The following COG5 variants were observed in gnomAD, a reference collection of about 807,000 sequenced individuals.
COG5 encodes conserved oligomeric Golgi complex subunit 5.
Under a neutral mutation model 110.4 loss-of-function variants are expected in COG5, and 86 were observed. The ratio of observed to expected loss-of-function variants is 0.78; its 90% CI spans 0.65 to 0.93. The LOEUF (loss-of-function observed/expected upper bound fraction) is 0.93. Ranked by LOEUF, COG5 falls within the 40% of genes least tolerant of loss-of-function variation. The pLI, the probability that COG5 is intolerant of heterozygous loss-of-function variation, is 0.00. For synonymous variants in COG5, 360 were observed against 334.6 expected, an observed-to-expected ratio of 1.08 and a Z score of -0.83; for missense variants, 1,077 against 987.0, an observed-to-expected ratio of 1.09 and a Z score of -1.22.
chr7:107,331,576 A>T (rs1341924421), intron 10 of COG5, among the ~76,000 whole-genome samples: 1 of 152,148 alleles, frequency 6.6e-6, no homozygotes, highest in African/African-American at 2.4e-5. Flanking sequence ...TTACTGAAAA[A>T]ATCTAGGCAA....
At chr7:107,466,399 AAC>A (rs1796300735) in intron 6 of COG5, among the ~76,000 whole-genome samples, 2 of 152,354 alleles carry the variant, frequency 1.3e-5, no homozygotes, top group South Asian at 4.1e-4. Context: ...ATGACTTACA[AAC>A]ACAGTGTGAA....
chr7:107,273,482 G>A (rs1203767968), intron 14 of COG5, among the ~76,000 whole-genome samples: 1 of 152,182 alleles, frequency 6.6e-6, no homozygotes, highest in Non-Finnish European at 1.5e-5. Flanking sequence ...AACAGGGTAA[G>A]ATTAAAAGCT....
intron 6 of COG5, among the ~76,000 whole-genome samples, chr7:107,482,094 G>A (rs2129121211): frequency 6.6e-6 from 1 of 151,670 alleles, no homozygotes; most frequent in South Asian, 2.1e-4. Flanking sequence ...CTGACTCTCT[G>A]ACTTACTGAG....
At chr7:107,334,452 CA>C (rs1283373446) in intron 10 of COG5, among the ~76,000 whole-genome samples, 1 of 151,738 alleles carries the variant, frequency 6.6e-6, no homozygotes, top group Non-Finnish European at 1.5e-5. Flanking sequence ...AAAAATCAAA[CA>C]GATTACAACC....
rs143773937 is a variant in COG5, at chr7:107,324,511, G to A, written c.1037C>T (p.Pro346Leu). The change falls in exon 11 of 22, where the codon CCG (proline) becomes CTG (leucine). Residue 346 changes from proline (P) to leucine (L), a missense_variant. Physicochemically the swap from Pro to Leu is moderately conservative, Grantham distance 98. Coordinates refer to ENST00000297135, the MANE Select transcript of COG5 (RefSeq NM_006348.5). The stretch of plus-strand genomic sequence containing the variant: ...ATTCCAAAATGTGTAGAAAATTTCC[G>A]GTTGTCCATCCTGTGAAGAACAAAC... ...FIEEIVKDGQ[P>L]EIFYTFWNSV... is the part of the protein sequence containing the mutation. The A allele has an allele frequency of 5.7e-4, 907 of 1,602,608 alleles. 3 individuals carry two copies. Among genetic ancestry groups the A allele is most frequent in the Middle Eastern group, 1.7e-3 (10 of 6,014 alleles).
At chr7:107,208,188 C>G in intron 21 of COG5, 1 of 985,364 alleles carries the variant, frequency 1.0e-6, no homozygotes, top group Non-Finnish European at 1.2e-6. Context: ...CCCTGAAGGA[C>G]AGCTCAATTT....
chr7:107,390,848 G>A (rs780899890), intron 7 of COG5, among the ~76,000 whole-genome samples: 29 of 151,170 alleles, frequency 1.9e-4, no homozygotes, highest in Non-Finnish European at 1.9e-4. Context: ...ATACAGAAAA[G>A]GGGGAGATGT....
At chr7:107,279,203 G>A (rs554617902) in intron 14 of COG5, among the ~76,000 whole-genome samples, 1 of 152,222 alleles carries the variant, frequency 6.6e-6, no homozygotes, top group South Asian at 2.1e-4. Context: ...ATCATCACTG[G>A]TCATTAGAGA....
intron 19 of COG5, among the ~76,000 whole-genome samples, chr7:107,219,072 C>G (rs1171652671): frequency 9.9e-5 from 15 of 151,860 alleles, no homozygotes; most frequent in Non-Finnish European, 1.8e-4. Flanking sequence ...ATATAAATGA[C>G]CAACAGATAT....
At chr7:107,335,773 C>A (rs1353377227) in intron 10 of COG5, among the ~76,000 whole-genome samples, 3 of 151,894 alleles carry the variant, frequency 2.0e-5, no homozygotes, top group Non-Finnish European at 4.4e-5. Flanking sequence ...TAAAGGGATG[C>A]AAAAAGATAT....
At chr7:107,440,879 A>T (rs1431201541) in intron 6 of COG5, among the ~76,000 whole-genome samples, 3 of 152,128 alleles carry the variant, frequency 2.0e-5, no homozygotes, top group Non-Finnish European at 4.4e-5. Flanking sequence ...CCTGAGTTGT[A>T]TCCTTTATTT....
At chr7:107,429,698 A>T (rs913863312) in intron 6 of COG5, among the ~76,000 whole-genome samples, 19 of 152,112 alleles carry the variant, frequency 1.2e-4, no homozygotes, top group African/African-American at 4.6e-4. Context: ...GTGGGAGGTA[A>T]TCCAATTATG....
intron 21 of COG5, chr7:107,208,015 C>T: frequency 1.0e-6 from 1 of 985,398 alleles, no homozygotes; most frequent in Non-Finnish European, 1.2e-6. Flanking sequence ...CAATACTCAC[C>T]CTCGGTTTGT....
chr7:107,349,733 A>AT (rs1354575124), intron 10 of COG5, among the ~76,000 whole-genome samples: 1 of 151,778 alleles, frequency 6.6e-6, no homozygotes, highest in African/African-American at 2.4e-5. Context: ...AATTTTTTGT[A>AT]TTTTCAGTAG....
chr7:107,541,259 G>A (rs1439435045), intron 5 of COG5, among the ~76,000 whole-genome samples: 2 of 151,756 alleles, frequency 1.3e-5, no homozygotes, highest in African/African-American at 2.4e-5. Flanking sequence ...CACTTTGGGA[G>A]GCCAATACAG....
chr7:107,305,898 G>C (rs77936580), intron 11 of COG5, among the ~76,000 whole-genome samples: 1 of 151,986 alleles, frequency 6.6e-6, no homozygotes, highest in Non-Finnish European at 1.5e-5. Context: ...GGAGGGATAC[G>C]CACTTTGTAT....
At chr7:107,434,586 A>G (rs2129082123) in intron 6 of COG5, among the ~76,000 whole-genome samples, 1 of 152,332 alleles carries the variant, frequency 6.6e-6, no homozygotes, top group Admixed American at 6.5e-5. Flanking sequence ...CTATTGAAAT[A>G]AAAAATAAAT....
chr7:107,288,652 T>C (rs1683064397), intron 12 of COG5, among the ~76,000 whole-genome samples: 1 of 151,994 alleles, frequency 6.6e-6, no homozygotes, highest in East Asian at 1.9e-4. Flanking sequence ...GGGTAATTTG[T>C]CTTTTTATTG....
At chr7:107,559,291 T>C (rs1803587455) in intron 1 of COG5, among the ~76,000 whole-genome samples, 1 of 151,910 alleles carries the variant, frequency 6.6e-6, no homozygotes, top group African/African-American at 2.4e-5. Context: ...GAAAGAAAAA[T>C]TAAGAGAATT....
Sources: allele counts gnomAD v4.1 joint callset (sites outside exome capture counted in the v4.1 genomes callset), GRCh38; gene constraint gnomAD v4.1.1; transcripts MANE v1.5; gene names NCBI Gene and HGNC (gene_info 2026-07-23, HGNC 2026-07-21).